The following UBE2QL1 variants were observed in gnomAD, a reference collection of about 807,000 sequenced individuals.
UBE2QL1 encodes ubiquitin conjugating enzyme E2 QL1, also known as ubiquitin-conjugating enzyme E2Q-like protein 1.
In UBE2QL1, 5 loss-of-function variants were observed where a neutral mutation model predicts 12.6. The observed-to-expected ratio is 0.40, with a 90% confidence interval of 0.21 to 0.83. The LOEUF is 0.83. Among genes scored for constraint, UBE2QL1 ranks in the 40% least tolerant of loss-of-function variants. The probability of loss-of-function intolerance (pLI) is 0.37; values close to 1 mark genes in which losing one functional copy is unlikely to be tolerated. For synonymous variants in UBE2QL1, 96 were observed against 94.5 expected (o/e 1.02, Z -0.10); for missense variants, 99 against 222.6 (o/e 0.44, Z 3.53).
rs186622311 is a variant in UBE2QL1 at position 6,453,547 on chromosome 5, T to C, written c.354+4300T>C. 3.3e-4 allele frequency among the ~76,000 whole-genome samples: 50 copies of C among 152,360 alleles called. No homozygotes were observed. The East Asian group carries it at 8.5e-3, about 26-fold the overall frequency. ...TTCTGTTTGCCTGACAGTTTCTGGA[T>C]GTTTTTTAATAAAGGAAACTTGTCT... On this transcript the variant is annotated intron_variant, in intron 1 of 1. Coordinates refer to ENST00000399816, the MANE Select transcript of UBE2QL1 (RefSeq NM_001145161.3).
intron 1 of UBE2QL1, among the ~76,000 whole-genome samples, chr5:6,460,198 C>G (rs1025299092): frequency 5.3e-5 from 8 of 152,172 alleles, no homozygotes; most frequent in Non-Finnish European, 1.0e-4. Context: ...CACCCACCTC[C>G]CTGAGCATCA....
At chr5:6,449,868 A>ACCCCCCCCCCC (rs5865654) in intron 1 of UBE2QL1, among the ~76,000 whole-genome samples, 6 of 117,184 alleles carry the variant, frequency 5.1e-5, no homozygotes, top group South Asian at 2.8e-4. Flanking sequence ...CACCTCCCCA[A>ACCCCCCCCCCC]CCCCCCCCAC....
At chr5:6,461,860 C>T (rs1258708322) in intron 1 of UBE2QL1, among the ~76,000 whole-genome samples, 1 of 152,244 alleles carries the variant, frequency 6.6e-6, no homozygotes, top group African/African-American at 2.4e-5. Flanking sequence ...GCTCCAGTCA[C>T]ACACCGTTTA....
chr5:6,480,505 T>G (rs1187434658), intron 1 of UBE2QL1, among the ~76,000 whole-genome samples: 2 of 152,234 alleles, frequency 1.3e-5, no homozygotes, highest in African/African-American at 2.4e-5. Context: ...TCCGGCTGCC[T>G]ATGCAAAAGT....
chr5:6,451,983 A>G (rs1403378611), intron 1 of UBE2QL1, among the ~76,000 whole-genome samples: 1 of 152,154 alleles, frequency 6.6e-6, no homozygotes, highest in Non-Finnish European at 1.5e-5. Context: ...GAGTCGTTAT[A>G]TTCTAGTTAT....
intron 1 of UBE2QL1, among the ~76,000 whole-genome samples, chr5:6,473,942 T>C (rs1734156206): frequency 6.6e-6 from 1 of 152,248 alleles, no homozygotes; most frequent in Non-Finnish European, 1.5e-5. Flanking sequence ...TTTGATGACT[T>C]ACTTCTTAGC....
chr5:6,477,444 G>A (rs1306114212), intron 1 of UBE2QL1, among the ~76,000 whole-genome samples: 1 of 152,174 alleles, frequency 6.6e-6, no homozygotes, highest in East Asian at 1.9e-4. Flanking sequence ...GCCTGCTGAG[G>A]ATAGGTGTGC....
intron 1 of UBE2QL1, among the ~76,000 whole-genome samples, chr5:6,451,223 C>T (rs375802308): frequency 7.0e-6 from 1 of 143,434 alleles, no homozygotes; most frequent in African/African-American, 2.6e-5. Context: ...TGCGAGAAAA[C>T]AAAGGTTTGA....
At chr5:6,487,508 T>C (rs1275247361) in intron 1 of UBE2QL1, among the ~76,000 whole-genome samples, 1 of 152,230 alleles carries the variant, frequency 6.6e-6, no homozygotes, top group East Asian at 1.9e-4. Flanking sequence ...AAAGCTGTTG[T>C]AGTGGATGAG....
rs1404175555 is a variant in UBE2QL1 at position 6,494,571 on chromosome 5, G to A, written c.*3222G>A. 1.3e-5 allele frequency: 2 copies of A among 152,152 alleles called. No individual in the cohort carries two copies. Among genetic ancestry groups the A allele is most frequent in the African/African-American group, 4.8e-5 (2 of 41,422 alleles). The allele number at this position is 152,152 out of a possible 1,614,324, so 9.4% of individuals were successfully genotyped here. On this transcript the variant is annotated 3_prime_UTR_variant, in exon 2 of 2. Transcript: ENST00000399816. ...GTGAGCTCCTACCAGGTCAGTGTGGGAATTGGCCAAAATGACGCAGCAGAA... is the reference window on the plus strand; with the variant it reads ...GTGAGCTCCTACCAGGTCAGTGTGGAAATTGGCCAAAATGACGCAGCAGAA...
In UBE2QL1 at chr5:6,488,815, A is replaced by AAAAAAG. The variant is rs111499555; in HGVS notation, c.355-2401_355-2400insAAAGAA. 1.9e-4 allele frequency among the ~76,000 whole-genome samples: 29 copies of AAAAAAG among 151,066 alleles called. 1 individual carries two copies. The highest frequency in any genetic ancestry group is 6.4e-4 in the African/African-American group (26 of 40,782). On this transcript the variant is annotated intron_variant, in intron 1 of 1. Transcript: ENST00000399816. ...TGAGACTCTGTCTCAAGAAAAAAAA[A>AAAAAAG]AAGAAGAAATTGATGCTAACATCCT...
At chr5:6,489,994 C>T (rs576875527) in intron 1 of UBE2QL1, among the ~76,000 whole-genome samples, 2 of 152,300 alleles carry the variant, frequency 1.3e-5, no homozygotes, top group Admixed American at 6.5e-5. Context: ...GAACAGCAGG[C>T]GATGGTTGGT....
intron 1 of UBE2QL1, among the ~76,000 whole-genome samples, chr5:6,465,170 A>G (rs1739759975): frequency 6.6e-6 from 1 of 152,028 alleles, no homozygotes; most frequent in South Asian, 2.1e-4. Flanking sequence ...TATTTTTAGT[A>G]GAGATGGGGT....
intron 1 of UBE2QL1, among the ~76,000 whole-genome samples, chr5:6,464,768 A>C (rs1739748738): frequency 6.6e-6 from 1 of 152,212 alleles, no homozygotes; most frequent in Non-Finnish European, 1.5e-5. Context: ...CGTTTCAAAA[A>C]TAGAGATTCA....
rs191067420 is a variant in UBE2QL1, at chr5:6,456,364, A to G, written c.354+7117A>G. Among the ~76,000 whole-genome samples the G allele has an allele frequency of 8.4e-4, 127 of 152,072 alleles. 1 individual carries two copies. Among genetic ancestry groups the G allele is most frequent in the African/African-American group, 3.0e-3 (123 of 41,452 alleles). On this transcript the variant is annotated intron_variant, in intron 1 of 1. Transcript: ENST00000399816. ...TCCAAGTGATGTTCTTAGAGGAAAC[A>G]CTCTACTTAAGGGTGATTGAGACTC...
At chr5:6,485,103 C>T (rs1734438214) in intron 1 of UBE2QL1, among the ~76,000 whole-genome samples, 2 of 152,112 alleles carry the variant, frequency 1.3e-5, no homozygotes, top group Non-Finnish European at 2.9e-5. Context: ...CAAATGAACA[C>T]ACGTGCACAC....
chr5:6,490,941 C>T (rs976663095), intron 1 of UBE2QL1, among the ~76,000 whole-genome samples: 12 of 152,126 alleles, frequency 7.9e-5, no homozygotes, highest in Non-Finnish European at 1.5e-4. Flanking sequence ...GTGGAATGAG[C>T]AAGTTCAGAT....
chr5:6,472,905 A>G (rs533432362), intron 1 of UBE2QL1, among the ~76,000 whole-genome samples: 1 of 152,246 alleles, frequency 6.6e-6, no homozygotes, highest in Non-Finnish European at 1.5e-5. Flanking sequence ...CACATTTTGG[A>G]TTTCATCCAT....
intron 1 of UBE2QL1, among the ~76,000 whole-genome samples, chr5:6,469,795 G>T (rs1739871950): frequency 6.6e-6 from 1 of 152,026 alleles, no homozygotes; most frequent in African/African-American, 2.4e-5. Context: ...CAATTAAATG[G>T]AGAACAATAT....
Sources: allele counts gnomAD v4.1 joint callset (sites outside exome capture counted in the v4.1 genomes callset), GRCh38; gene constraint gnomAD v4.1.1; transcripts MANE v1.5; gene names NCBI Gene and HGNC (gene_info 2026-07-23, HGNC 2026-07-21).